ZNF773: variants seen among roughly 807,000 people sequenced by gnomAD.
ZNF773 encodes the protein zinc finger protein 773.
ZNF773 carries 11 observed loss-of-function variants against 12.8 expected under a neutral mutation model. The observed-to-expected ratio is 0.86, with a 90% confidence interval of 0.54 to 1.42. The LOEUF is 1.42. Among genes scored for constraint, ZNF773 ranks in the 40% most tolerant of loss-of-function variants. ZNF773 has a pLI of 0.00. For synonymous variants in ZNF773, 175 were observed against 178.4 expected (o/e 0.98, Z 0.15); for missense variants, 518 against 527.2 (o/e 0.98, Z 0.17).
rs147592761 is a variant in ZNF773 at position 57,507,181 on chromosome 19, T to G, written c.1086T>G (p.Ser362Arg). ...CTGGAGAAAGGCCTTATGAGTGCAG[T>G]GAATGTGGGAAATTTTTTAGCCAAA... ...VHTGERPYEC[S>R]ECGKFFSQSS... Residue 362 changes from serine to arginine, a missense_variant, in exon 4 of 4, where the codon AGT (serine) becomes AGG (arginine). Ser to Arg is a moderately radical substitution (Grantham distance 110). Transcript: ENST00000282292. 4.3e-6 allele frequency: 7 copies of G among 1,613,868 alleles called. No homozygotes were observed. The highest frequency in any genetic ancestry group is 1.3e-5 in the African/African-American group (1 of 74,860).
chr19:57,500,033 G>A lies in ZNF773; in HGVS notation c.-48G>A. ...CTGAGGCTCGGTGGCGGCGCCCAGG[G>A]TGGCCCGGGCCCTTTCCTCGGTCGT... is the stretch of plus-strand genomic sequence containing the variant. On this transcript the variant is annotated 5_prime_UTR_variant, in exon 1 of 4. In the 5' UTR this introduces an upstream ATG that the reference lacks. Transcript: ENST00000282292. 1 of 1,545,616 alleles carries A rather than the reference G, an allele frequency of 6.5e-7. No individual in the cohort carries two copies. Among genetic ancestry groups the A allele is most frequent in the Non-Finnish European group, 8.7e-7 (1 of 1,146,702 alleles).
chr19:57,505,902 G>GGT (rs1238391531), intron 3 of ZNF773, among the ~76,000 whole-genome samples: 1 of 151,962 alleles, frequency 6.6e-6, no homozygotes, highest in Non-Finnish European at 1.5e-5. Flanking sequence ...GTAGAGACTG[G>GGT]GTTTCACCAT....
Position 57,507,106 on chromosome 19 carries a change from A to T in ZNF773, c.1011A>T (p.Gly337=). 6.2e-7 allele frequency: 1 copy of T among 1,613,734 alleles called. No individual in the cohort carries two copies. Among genetic ancestry groups the T allele is most frequent in the Non-Finnish European group, 8.5e-7 (1 of 1,179,934 alleles). ...GACCTTATAAGTGCAGTGAATGTGGAAAATTCTATAGCCACAAGTCCAGCC... is the reference window on the plus strand; with the variant it reads ...GACCTTATAAGTGCAGTGAATGTGGTAAATTCTATAGCCACAAGTCCAGCC... The part of the protein sequence containing the change: ...GERPYKCSEC[G]KFYSHKSSLI... The change falls in exon 4 of 4, where the codon GGA becomes GGT. Residue 337 remains glycine, a synonymous_variant. Coordinates refer to ENST00000282292, the MANE Select transcript of ZNF773 (RefSeq NM_198542.3).
At position 57,505,295 on chromosome 19, in the gene ZNF773, T is replaced by C; in HGVS notation, c.164-7T>C. 6 of 1,613,644 alleles carry C rather than the reference T, an allele frequency of 3.7e-6. No individual in the cohort carries two copies. The highest frequency in any genetic ancestry group is 5.1e-6 in the Non-Finnish European group (6 of 1,179,500). ...CAGTGCTGCCACTCACCTGTCGTTT[T>C]CCTTAGGACTTGCATCTTCCAAGAC... On this transcript the variant is annotated splice_polypyrimidine_tract_variant and splice_region_variant and intron_variant, in intron 2 of 3. Coordinates refer to ENST00000282292, the MANE Select transcript of ZNF773 (RefSeq NM_198542.3).
At chr19:57,516,285 C>CA (rs2089831576), downstream of ZNF773, 3 of 155,284 alleles carry the variant, frequency 1.9e-5, no homozygotes, top group South Asian at 5.3e-4. Context: ...ACTGCTGGAG[C>CA]AAAACCCCTG....
intron 1 of ZNF773, among the ~76,000 whole-genome samples, chr19:57,500,859 T>TA (rs892855938): frequency 2.3e-4 from 35 of 152,214 alleles, no homozygotes; most frequent in Admixed American, 3.9e-4. Context: ...GGGAGAATCT[T>TA]AAAGTTTTCT....
chr19:57,511,196 A>G (rs4316866), downstream of ZNF773, among the ~76,000 whole-genome samples: 31,257 of 151,242 alleles, frequency 0.21, 3,344 homozygotes, highest in African/African-American at 0.25. Flanking sequence ...GACTACAGGT[A>G]CCCGCCACCT....
At chr19:57,511,448 G>C (rs535334299), downstream of ZNF773, among the ~76,000 whole-genome samples, 70 of 152,256 alleles carry the variant, frequency 4.6e-4, 1 homozygote, top group Admixed American at 2.0e-3. Context: ...CTAAAGGACA[G>C]ACATAGAGAT....
chr19:57,513,830 C>T (rs562471655), downstream of ZNF773: 203 of 152,364 alleles, frequency 1.3e-3, 1 homozygote, highest in African/African-American at 4.8e-3. Flanking sequence ...GGGTGCATTA[C>T]AGCAAGGTCT....
In ZNF773 at chr19:57,506,666, T is replaced by C. The variant is rs2089739559; in HGVS notation, c.571T>C (p.Tyr191His). 6.2e-7 allele frequency: 1 copy of C among 1,614,214 alleles called. No homozygotes were observed. The highest frequency in any genetic ancestry group is 8.5e-7 in the Non-Finnish European group (1 of 1,180,038). The change falls in exon 4 of 4, where the codon TAC becomes CAC. Residue 191 changes from tyrosine (Y) to histidine (H), a missense_variant. Tyr to His is a moderately conservative substitution (Grantham distance 83, BLOSUM62 2). Transcript: ENST00000282292. Reference protein sequence around the residue: ...REAFHAGKRHYKCSECGKAFG... With the variant: ...REAFHAGKRHHKCSECGKAFG... ...GGCCTTTCATGCTGGAAAAAGGCAT[T>C]ACAAATGCAGTGAATGTGGGAAAGC...
At chr19:57,506,144 C>T (rs1483305853) in intron 3 of ZNF773, among the ~76,000 whole-genome samples, 1 of 152,120 alleles carries the variant, frequency 6.6e-6, no homozygotes, top group East Asian at 1.9e-4. Flanking sequence ...TGCTACACCA[C>T]ATCCTTGCAT....
chr19:57,500,030 AG>A lies in ZNF773; in HGVS notation c.-48del. ...GGTCTGAGGCTCGGTGGCGGCGCCC[AG>A]GGTGGCCCGGGCCCTTTCCTCGGTC... is the stretch of plus-strand genomic sequence containing the variant. On this transcript the variant is annotated 5_prime_UTR_variant, in exon 1 of 4. Coordinates refer to ENST00000282292, the MANE Select transcript of ZNF773 (RefSeq NM_198542.3). The A allele has an allele frequency of 6.5e-7, 1 of 1,540,792 alleles. No individual in the cohort carries two copies. The highest frequency in any genetic ancestry group is 8.7e-7 in the Non-Finnish European group (1 of 1,144,410).
downstream of ZNF773, among the ~76,000 whole-genome samples, chr19:57,510,707 G>A (rs888253834): frequency 1.3e-4 from 19 of 151,948 alleles, no homozygotes; most frequent in Middle Eastern, 3.2e-3. Flanking sequence ...GTATATAGCT[G>A]GCAAATACAT....
Position 57,508,159 on chromosome 19 carries a change from CAAAAAA to C in ZNF773, c.*738_*743del. ...TCGTCTCAAAAAAAAAAAAAAAAAACAAAAAAAACCCAGAAACTCTGAGGGTGATCT... is the reference window on the plus strand; with the variant it reads ...TCGTCTCAAAAAAAAAAAAAAAAAACAACCCAGAAACTCTGAGGGTGATCT... On this transcript the variant is annotated 3_prime_UTR_variant, in exon 4 of 4. Coordinates refer to ENST00000282292, the MANE Select transcript of ZNF773 (RefSeq NM_198542.3). 1 of 475,416 alleles carries C rather than the reference CAAAAAA, an allele frequency of 2.1e-6. No individual in the cohort carries two copies. The highest frequency in any genetic ancestry group is 4.1e-4 in the East Asian group (1 of 2,430). 29.4% of individuals were successfully genotyped at this position (475,416 alleles called of 1,614,324 possible). A position where few individuals can be genotyped will look rare whatever the true frequency, so the allele number is the denominator to read the frequency against.
chr19:57,508,631 C>T, downstream of ZNF773: 1 of 676,704 alleles, frequency 1.5e-6, no homozygotes, highest in Non-Finnish European at 2.7e-6. Flanking sequence ...GTTAGCATTT[C>T]ATATTTCCTC....
At chr19:57,503,631 G>T (rs1397214442) in intron 1 of ZNF773, among the ~76,000 whole-genome samples, 1 of 150,670 alleles carries the variant, frequency 6.6e-6, no homozygotes, top group Non-Finnish European at 1.5e-5. Flanking sequence ...TGAGAGAATT[G>T]CTGGGCCTGG....
chr19:57,517,915 C>T (rs1162958847), downstream of ZNF773: 3 of 152,630 alleles, frequency 2.0e-5, no homozygotes, highest in African/African-American at 4.8e-5. Flanking sequence ...CTTCAAACAG[C>T]ACCTCAATGT....
At chr19:57,513,873 C>A (rs1452162747), downstream of ZNF773, 2 of 151,616 alleles carry the variant, frequency 1.3e-5, no homozygotes, top group Non-Finnish European at 2.9e-5. Context: ...AAGAGACTGG[C>A]CTCTTGTAGT....
In ZNF773 at chr19:57,505,400, G is replaced by C. The variant is rs535873057; in HGVS notation, c.262G>C (p.Gly88Arg). ...AGTTGTGACTTCAGCCATACTGAGAGGTACTTGGTGGGTGGAGCTCAGGGA... is the reference window on the plus strand; with the variant it reads ...AGTTGTGACTTCAGCCATACTGAGACGTACTTGGTGGGTGGAGCTCAGGGA... ...WEVVTSAILR[G>R]SWQGAKAEAA... The change falls in exon 3 of 4, where the codon GGT (glycine) becomes CGT (arginine). Residue 88 changes from glycine (G) to arginine (R), a missense_variant and splice_region_variant. Transcript: ENST00000282292. 2 of 1,614,162 alleles carry C rather than the reference G, an allele frequency of 1.2e-6. No homozygotes were observed. Among genetic ancestry groups the C allele is most frequent in the Admixed American group, 1.7e-5 (1 of 60,030 alleles).
Sources: gnomAD v4.1 joint callset for allele counts (sites outside exome capture counted in the v4.1 genomes callset) on GRCh38, gnomAD v4.1.1 for gene constraint, MANE v1.5 for transcripts, NCBI Gene and HGNC (gene_info 2026-07-23, HGNC 2026-07-21) for gene names.